MAST4: variants seen among roughly 807,000 people sequenced by gnomAD.
MAST4 encodes the protein microtubule-associated serine/threonine-protein kinase 4.
A neutral mutation model predicts 162.7 loss-of-function variants in MAST4; 89 were observed. The ratio of observed to expected loss-of-function variants is 0.55; its 90% CI spans 0.46 to 0.65. MAST4 has a LOEUF of 0.65. MAST4 is among the 30% of genes least tolerant of loss of function. The pLI is 0.00. For missense variants in MAST4, 3,153 were observed against 3,374.0 expected, an observed-to-expected ratio of 0.93 and a Z score of 1.62; for synonymous variants, 1,479 against 1,361.1, an observed-to-expected ratio of 1.09 and a Z score of -1.91.
rs567008886 is a variant in MAST4 at position 66,840,148 on chromosome 5, A to G, written c.642+51354A>G. On this transcript the variant is annotated intron_variant, in intron 3 of 28. Transcript: ENST00000403625. ...AACAACTAGCTCAAAATGATGAGAG[A>G]AAACATTAAATATTTTCTAATTGGA... 2.6e-5 allele frequency among the ~76,000 whole-genome samples: 4 copies of G among 152,294 alleles called. No individual in the cohort carries two copies. The South Asian group carries it at 8.3e-4, about 32-fold the overall frequency.
At chr5:66,995,888 TACACACACACACAC>T (rs34561453) in intron 4 of MAST4, among the ~76,000 whole-genome samples, 10 of 147,234 alleles carry the variant, frequency 6.8e-5, no homozygotes, top group African/African-American at 2.5e-4. Context: ...CACACTCACA[TACACACACACACAC>T]ACACACACAC....
intron 5 of MAST4, among the ~76,000 whole-genome samples, chr5:67,078,911 A>AATAAATATATATATATATATATAAT (rs1227485756): frequency 2.6e-5 from 1 of 38,110 alleles, no homozygotes; most frequent in African/African-American, 1.2e-4. Context: ...TTTTTATATA[A>AATAAATATATATATATATATATAAT]ATATATATAT....
intron 15 of MAST4, 128 bp from the exon 16 acceptor site, chr5:67,131,685 C>G: frequency 1.2e-6 from 1 of 827,570 alleles, no homozygotes; most frequent in Non-Finnish European, 1.9e-6. Flanking sequence ...CACATAGACT[C>G]CAGTTGTGAC....
At chr5:66,856,465 T>G (rs930918297) in intron 3 of MAST4, among the ~76,000 whole-genome samples, 5 of 152,242 alleles carry the variant, frequency 3.3e-5, no homozygotes, top group Non-Finnish European at 7.3e-5. Context: ...TAGTAGTTAC[T>G]GGAAGTTTTA....
intron 4 of MAST4, among the ~76,000 whole-genome samples, chr5:66,931,765 TAAAAA>T (rs140448523): frequency 1.3e-5 from 2 of 151,254 alleles, no homozygotes; most frequent in Middle Eastern, 3.2e-3. Flanking sequence ...TACACTGTAT[TAAAAA>T]AAAAGAGGAA....
At chr5:67,028,817 G>A (rs1332006355) in intron 4 of MAST4, among the ~76,000 whole-genome samples, 1 of 152,040 alleles carries the variant, frequency 6.6e-6, no homozygotes, top group Non-Finnish European at 1.5e-5. Context: ...AGGCAAGAGA[G>A]TTCCAGATTG....
intron 4 of MAST4, among the ~76,000 whole-genome samples, chr5:67,053,494 G>T (rs941922449): frequency 3.3e-5 from 5 of 152,156 alleles, no homozygotes; most frequent in African/African-American, 9.7e-5. Flanking sequence ...TGAATTAAAT[G>T]AGGTAACTTG....
At chr5:67,076,221 G>A (rs1434823850) in intron 5 of MAST4, among the ~76,000 whole-genome samples, 3 of 152,082 alleles carry the variant, frequency 2.0e-5, no homozygotes, top group African/African-American at 4.8e-5. Context: ...GTTCTTGTTG[G>A]CTCCTTTTGC....
chr5:67,049,174 C>CA (rs752093494), intron 4 of MAST4, among the ~76,000 whole-genome samples: 29 of 150,752 alleles, frequency 1.9e-4, no homozygotes, highest in Non-Finnish European at 3.4e-4. Context: ...GCTTGGACTT[C>CA]AGAGAGTACA....
At chr5:66,805,188 T>A (rs1412891624) in intron 3 of MAST4, among the ~76,000 whole-genome samples, 2 of 152,242 alleles carry the variant, frequency 1.3e-5, no homozygotes, top group East Asian at 1.9e-4. Flanking sequence ...ATCTTCTTCC[T>A]CTTTTTCCAG....
At chr5:66,723,271 T>G (rs1183665307) in intron 1 of MAST4, among the ~76,000 whole-genome samples, 2 of 152,152 alleles carry the variant, frequency 1.3e-5, no homozygotes, top group Admixed American at 1.3e-4. Context: ...TCCTAAAGGG[T>G]TCTTCTTTCT....
At chr5:66,863,491 C>T (rs1028759012) in intron 3 of MAST4, among the ~76,000 whole-genome samples, 3 of 152,166 alleles carry the variant, frequency 2.0e-5, no homozygotes, top group Admixed American at 2.0e-4. Flanking sequence ...GCACCTTTCC[C>T]CATGTCTCCC....
intron 4 of MAST4, among the ~76,000 whole-genome samples, chr5:66,969,533 C>G (rs765673196): frequency 3.3e-5 from 5 of 152,208 alleles, no homozygotes; most frequent in Non-Finnish European, 7.3e-5. Flanking sequence ...GAAAGGTAGA[C>G]AGCACCTTAA....
Position 67,121,060 on chromosome 5 carries a change from G to C in MAST4, c.1703G>C (p.Ser568Thr). ...SLKLRRKPRE[S>T]DFETIKLISN... ...AAACTTCGAAGGAAACCTCGGGAAA[G>C]TGATTTTGAAACGATTAAATTGATT... Residue 568 changes from serine to threonine, a missense_variant, in exon 14 of 29, where the codon AGT (serine) becomes ACT (threonine). By Grantham distance (58) the Ser-to-Thr change is moderately conservative. Around this residue, in one of 7 missense-constraint regions of MAST4, gnomAD observed 360 missense variants for 450.0 expected, o/e 0.80. Transcript: ENST00000403625. 1 of 1,611,352 alleles carries C rather than the reference G, an allele frequency of 6.2e-7. No homozygotes were observed. The highest frequency in any genetic ancestry group is 1.1e-5 in the South Asian group (1 of 90,198).
At chr5:67,079,718 C>T (rs1385531229) in intron 5 of MAST4, among the ~76,000 whole-genome samples, 1 of 152,178 alleles carries the variant, frequency 6.6e-6, no homozygotes, top group Non-Finnish European at 1.5e-5. Context: ...CCTTCATTTT[C>T]CTCTGCCTCA....
At chr5:66,889,866 A>G (rs1360890544) in intron 3 of MAST4, among the ~76,000 whole-genome samples, 3 of 152,196 alleles carry the variant, frequency 2.0e-5, no homozygotes, top group Non-Finnish European at 4.4e-5. Context: ...ATCTTAGGGA[A>G]GTTAAAGTTT....
rs371642698 is a variant in MAST4, at chr5:67,104,529, G to C, written c.1310G>C (p.Arg437Pro). Residue 437 changes from arginine (R) to proline (P), a missense_variant, in exon 10 of 29, where the codon CGA becomes CCA. This residue lies in a region of MAST4 where 360 missense variants were observed against 450.0 expected (regional missense o/e 0.80). Transcript: ENST00000403625. ...TCCCACCAGGGCCTCATCACCTCAC[G>C]ATACTTCCTTGAATTACAGCACAAA... ...DKSHQGLITS[R>P]YFLELQHKLD... The C allele has an allele frequency of 4.3e-5, 70 of 1,613,580 alleles. No individual in the cohort carries two copies. The highest frequency in any genetic ancestry group is 6.6e-5 in the South Asian group (6 of 91,066).
chr5:66,758,130 G>A (rs1427508094), intron 1 of MAST4, among the ~76,000 whole-genome samples: 1 of 151,740 alleles, frequency 6.6e-6, no homozygotes, highest in Non-Finnish European at 1.5e-5. Flanking sequence ...TGATCTTGGA[G>A]TGGATGGGCT....
intron 1 of MAST4, among the ~76,000 whole-genome samples, chr5:66,647,832 T>C (rs1283505987): frequency 2.0e-5 from 3 of 152,176 alleles, no homozygotes; most frequent in African/African-American, 7.2e-5. Flanking sequence ...TCTACTCTTA[T>C]TGCCTTAAAC....
Sources: allele counts gnomAD v4.1 joint callset (sites outside exome capture counted in the v4.1 genomes callset), GRCh38; gene constraint gnomAD v4.1.1; regional missense constraint gnomAD v4.1.1; transcripts MANE v1.5; gene names NCBI Gene and HGNC (gene_info 2026-07-23, HGNC 2026-07-21).